Variants in USP13 observed in about 807,000 individuals in gnomAD.
USP13 encodes ubiquitin specific peptidase 13, also known as ubiquitin carboxyl-terminal hydrolase 13.
In USP13, 68 loss-of-function variants were observed where a neutral mutation model predicts 107.8. The observed-to-expected ratio is 0.63, with a 90% CI of 0.52 to 0.77. The LOEUF is 0.77. Ranked by LOEUF, USP13 falls within the 30% of genes least tolerant of loss-of-function variation. The probability of loss-of-function intolerance (pLI) is 0.00; values close to 1 mark genes in which losing one functional copy is unlikely to be tolerated. For synonymous variants in USP13, 377 were observed against 389.5 expected, an observed-to-expected ratio of 0.97 and a Z score of 0.38; for missense variants, 945 against 1,093.3, an observed-to-expected ratio of 0.86 and a Z score of 1.91.
intron 2 of USP13, among the ~76,000 whole-genome samples, chr3:179,688,640 T>A (rs934929867): frequency 1.3e-5 from 2 of 152,234 alleles, no homozygotes; most frequent in South Asian, 4.1e-4. Context: ...AATCTCACAG[T>A]CTGGGACAGG....
At chr3:179,685,202 C>G (rs998003251) in intron 2 of USP13, among the ~76,000 whole-genome samples, 11 of 149,488 alleles carry the variant, frequency 7.4e-5, no homozygotes, top group African/African-American at 2.7e-4. Context: ...TTTTTTTAAC[C>G]ATTACTGCCA....
At chr3:179,744,651 A>G (rs1386425479) in intron 12 of USP13, among the ~76,000 whole-genome samples, 4 of 152,168 alleles carry the variant, frequency 2.6e-5, no homozygotes, top group Non-Finnish European at 5.9e-5. Flanking sequence ...TGGCTGTGAA[A>G]TACTCTGATG....
At chr3:179,766,679 T>G (rs1019787837) in intron 19 of USP13, among the ~76,000 whole-genome samples, 2 of 152,152 alleles carry the variant, frequency 1.3e-5, no homozygotes, top group African/African-American at 4.8e-5. Context: ...ATATCAACAC[T>G]CATGTAATTC....
At chr3:179,730,318 T>C in intron 9 of USP13, 58 bp downstream of exon 9, 2 of 1,548,724 alleles carry the variant, frequency 1.3e-6, no homozygotes, top group South Asian at 2.3e-5. Context: ...AAAATGTTCA[T>C]AGTGGATATC....
chr3:179,765,662 T>C (rs1432973567), intron 18 of USP13, 33 bp from the exon 19 acceptor site: 19 of 1,610,436 alleles, frequency 1.2e-5, no homozygotes, highest in Non-Finnish European at 1.6e-5. Context: ...GCTGCATGCA[T>C]TGTAAAAACA....
At chr3:179,774,780 TGCTGATTGGCCCATTTTACAGAGA>T (rs1715465657) in intron 19 of USP13, among the ~76,000 whole-genome samples, 2 of 152,234 alleles carry the variant, frequency 1.3e-5, no homozygotes, top group Non-Finnish European at 2.9e-5. Context: ...ACCCACATCC[TGCTGATTGGCCCATTTTACAGAGA>T]GCTGATTGGT....
chr3:179,664,632 C>A (rs1180784709), intron 1 of USP13, among the ~76,000 whole-genome samples: 1 of 152,092 alleles, frequency 6.6e-6, no homozygotes, highest in African/African-American at 2.4e-5. Context: ...GTTAGGACTC[C>A]CCTTGTTCCC....
chr3:179,660,173 T>C (rs1186978687), intron 1 of USP13, among the ~76,000 whole-genome samples: 1 of 152,260 alleles, frequency 6.6e-6, no homozygotes, highest in Non-Finnish European at 1.5e-5. Context: ...ACATTCGCAT[T>C]GTTGTGTAAC....
intron 14 of USP13, 146 bp from the exon 15 acceptor site, chr3:179,754,586 G>T: frequency 8.9e-7 from 1 of 1,119,098 alleles, no homozygotes; most frequent in Non-Finnish European, 1.2e-6. Flanking sequence ...TAGTCTTCAT[G>T]AACCTGCTGG....
At chr3:179,733,723 GGCAGAAAC>G (rs1713887863) in intron 10 of USP13, among the ~76,000 whole-genome samples, 1 of 152,176 alleles carries the variant, frequency 6.6e-6, no homozygotes. Context: ...AGAGCCATGT[GGCAGAAAC>G]GCCTTTTTAC....
chr3:179,742,315 A>T lies in USP13; in HGVS notation c.1499A>T (p.Gln500Leu), dbSNP rs763178108. The change falls in exon 12 of 21, where the codon CAG (glutamine) becomes CTG (leucine). Residue 500 changes from glutamine to leucine, a missense_variant. Transcript: ENST00000263966. This position sits in a 1 kb window ranked among gnomAD's most constrained non-coding sequence, Gnocchi z 5.0. ...ACGGAGAGGGTGGATTACCTGATGC[A>T]GTTACCTGTGGCCATGGAGGCGGCA... ...RYTERVDYLM[Q>L]LPVAMEAATN... 2 of 1,614,236 alleles carry T rather than the reference A, an allele frequency of 1.2e-6. No individual in the cohort carries two copies. The highest frequency in any genetic ancestry group is 8.5e-7 in the Non-Finnish European group (1 of 1,180,030).
chr3:179,679,310 T>C (rs1401861278), intron 1 of USP13, among the ~76,000 whole-genome samples: 6 of 152,152 alleles, frequency 3.9e-5, no homozygotes, highest in Non-Finnish European at 7.4e-5. Flanking sequence ...TAAACAAAAT[T>C]ATTGGAATTT....
rs1711537453 is a variant in USP13 at position 179,678,328 on chromosome 3, A to G, written c.169-3550A>G. Among the ~76,000 whole-genome samples, 1 of 152,212 alleles carries G rather than the reference A, an allele frequency of 6.6e-6. No homozygotes were observed. The highest frequency in any genetic ancestry group is 6.5e-5 in the Admixed American group (1 of 15,278). ...CATGTTTATTTAGAAAACTCTTGAAAATACTTACCTAATCTGTTGATTAAA... is the reference window on the plus strand; with the variant it reads ...CATGTTTATTTAGAAAACTCTTGAAGATACTTACCTAATCTGTTGATTAAA... On this transcript the variant is annotated intron_variant, in intron 1 of 20. Transcript: ENST00000263966. The surrounding 1 kb of genome is among the most constrained non-coding windows in gnomAD (Gnocchi z 4.2).
At chr3:179,715,596 C>A (rs1713087015) in intron 6 of USP13, among the ~76,000 whole-genome samples, 1 of 152,046 alleles carries the variant, frequency 6.6e-6, no homozygotes, top group South Asian at 2.1e-4. Context: ...AACTCCTGAC[C>A]TTGTGATCCG....
intron 19 of USP13, among the ~76,000 whole-genome samples, chr3:179,766,845 C>G (rs1190972188): frequency 6.6e-6 from 1 of 152,112 alleles, no homozygotes; most frequent in East Asian, 1.9e-4. Flanking sequence ...GCTGTCATTG[C>G]CTGTAGAATA....
In USP13 at chr3:179,742,578, G is replaced by A. The variant is rs1004654600; in HGVS notation, c.1534+228G>A. On this transcript the variant is annotated intron_variant, in intron 12 of 20. Coordinates refer to ENST00000263966, the MANE Select transcript of USP13 (RefSeq NM_003940.3). This position sits in a 1 kb window ranked among gnomAD's most constrained non-coding sequence, Gnocchi z 5.0. ...TGGAGGCGTTATGGTTGGAACCTAC[G>A]TCACTGCCTATAAATTTGGCCAACT... 3.3e-5 allele frequency among the ~76,000 whole-genome samples: 5 copies of A among 152,254 alleles called. No homozygotes were observed. Among genetic ancestry groups the A allele is most frequent in the Middle Eastern group, 3.4e-3 (1 of 294 alleles).
chr3:179,727,906 C>T (rs1262780401), intron 8 of USP13, among the ~76,000 whole-genome samples: 2 of 66,044 alleles, frequency 3.0e-5, no homozygotes, highest in African/African-American at 7.9e-5. Flanking sequence ...CCGGACGGGG[C>T]GGCTGGCCAG....
chr3:179,675,536 T>TTTTTTATTA (rs1553787954), intron 1 of USP13, among the ~76,000 whole-genome samples: 3 of 146,358 alleles, frequency 2.0e-5, no homozygotes, highest in African/African-American at 5.1e-5. Context: ...TGTAACCTAT[T>TTTTTTATTA]TTATTATTAT....
chr3:179,728,964 C>G (rs974303788), intron 8 of USP13, among the ~76,000 whole-genome samples: 1 of 137,126 alleles, frequency 7.3e-6, no homozygotes, highest in Non-Finnish European at 1.6e-5. Context: ...AGAGGGAGAC[C>G]GTGGGGAGAC....
Sources: gnomAD v4.1 joint callset for allele counts (sites outside exome capture counted in the v4.1 genomes callset) on GRCh38, gnomAD v4.1.1 for gene constraint, Gnocchi (gnomAD v3.1) non-coding constraint, MANE v1.5 for transcripts, NCBI Gene and HGNC (gene_info 2026-07-23, HGNC 2026-07-21) for gene names.